NPR3: variants seen among roughly 807,000 people sequenced by gnomAD.
NPR3 encodes atrial natriuretic peptide receptor 3.
In NPR3, 34 loss-of-function variants were observed where a neutral mutation model predicts 54.5. That is an observed-to-expected ratio of 0.62 (90% CI 0.47 to 0.83). NPR3 has a LOEUF of 0.83. Ranked by LOEUF, NPR3 falls within the 40% of genes least tolerant of loss-of-function variation. The pLI, the probability that NPR3 is intolerant of heterozygous loss-of-function variation, is 0.00. For missense variants in NPR3, 674 were observed against 720.8 expected (o/e 0.94, Z 0.74); for synonymous variants, 289 against 297.1 (o/e 0.97, Z 0.28).
intron 1 of NPR3, chr5:32,713,200 CAG>C (rs1052258281): frequency 3.0e-6 from 3 of 985,302 alleles, no homozygotes; most frequent in African/African-American, 3.5e-5. Flanking sequence ...TCACTTCTCC[CAG>C]AGTGTTCTGC....
chr5:32,748,876 G>A (rs955922839), intron 3 of NPR3, among the ~76,000 whole-genome samples: 4 of 152,098 alleles, frequency 2.6e-5, no homozygotes, highest in African/African-American at 9.7e-5. Flanking sequence ...CTTCTCAGTT[G>A]ATTCTCTAAT....
chr5:32,711,815 A>G lies in NPR3; in HGVS notation c.39A>G (p.Val13=). 1 of 1,451,498 alleles carries G rather than the reference A, an allele frequency of 6.9e-7. No homozygotes were observed. The highest frequency in any genetic ancestry group is 9.1e-7 in the Non-Finnish European group (1 of 1,102,842). The allele number at this position is 1,451,498 out of a possible 1,614,324, so 89.9% of individuals were successfully genotyped here. A position where few individuals can be genotyped will look rare whatever the true frequency, so the allele number is the denominator to read the frequency against. Residue 13 remains valine, a synonymous_variant, in exon 1 of 8, where the codon GTA becomes GTG. Transcript: ENST00000265074. The part of the protein sequence containing the change: ...SLLVLTFSPC[V]LLGWALLAGG... ...TGGTGCTCACTTTCTCCCCGTGCGT[A>G]CTACTCGGCTGGGCGTTGCTGGCCG...
At chr5:32,737,504 T>C (rs1358220205) in intron 2 of NPR3, among the ~76,000 whole-genome samples, 1 of 152,170 alleles carries the variant, frequency 6.6e-6, no homozygotes, top group African/African-American at 2.4e-5. Context: ...TTCTCACTGC[T>C]TAGCTGTTGG....
At chr5:32,766,820 G>A (rs1052302852) in intron 3 of NPR3, among the ~76,000 whole-genome samples, 7 of 152,160 alleles carry the variant, frequency 4.6e-5, no homozygotes, top group Admixed American at 2.6e-4. Flanking sequence ...CATCCTTCAC[G>A]TCTGGCTTAT....
chr5:32,732,119 T>C (rs1739488123), intron 2 of NPR3, among the ~76,000 whole-genome samples: 1 of 151,578 alleles, frequency 6.6e-6, no homozygotes, highest in Admixed American at 6.6e-5. Context: ...CGGGCGCCTG[T>C]AGTCCCAGCT....
intron 3 of NPR3, among the ~76,000 whole-genome samples, chr5:32,742,188 T>C (rs776141770): frequency 4.6e-5 from 7 of 152,114 alleles, no homozygotes; most frequent in African/African-American, 7.2e-5. Flanking sequence ...CTGCTATCCG[T>C]CTTGAATTCA....
intron 3 of NPR3, among the ~76,000 whole-genome samples, chr5:32,742,173 G>T (rs566760861): frequency 1.3e-5 from 2 of 151,884 alleles, no homozygotes; most frequent in Non-Finnish European, 2.9e-5. Flanking sequence ...TGAGCTCTTC[G>T]TTCTCTGCTA....
chr5:32,711,935 C>A lies in NPR3; in HGVS notation c.159C>A (p.Ile53=), dbSNP rs1250628318. The part of the protein sequence containing the change: ...QEREALPPQK[I]EVLVLLPQDD... Reference sequence around the variant, plus strand: ...GAGAGGCGCTGCCGCCACAGAAGATCGAGGTGCTGGTGTTACTGCCCCAGG... The same window carrying A: ...GAGAGGCGCTGCCGCCACAGAAGATAGAGGTGCTGGTGTTACTGCCCCAGG... The change falls in exon 1 of 8, where the codon ATC becomes ATA. Residue 53 remains isoleucine (I), a synonymous_variant. Coordinates refer to ENST00000265074, the MANE Select transcript of NPR3 (RefSeq NM_001204375.2). The A allele has an allele frequency of 6.6e-7, 1 of 1,524,296 alleles. No homozygotes were observed. The highest frequency in any genetic ancestry group is 1.2e-5 in the South Asian group (1 of 80,288). 94.4% of individuals were successfully genotyped at this position (1,524,296 alleles called of 1,614,324 possible).
intron 3 of NPR3, among the ~76,000 whole-genome samples, chr5:32,759,779 G>A (rs1741055439): frequency 6.6e-6 from 1 of 152,122 alleles, no homozygotes; most frequent in South Asian, 2.1e-4. Context: ...CTTCCTTCAG[G>A]AGCTCTTGTA....
At chr5:32,724,878 G>A (rs1467798335) in intron 2 of NPR3, 58 bp downstream of exon 2, 3 of 1,592,646 alleles carry the variant, frequency 1.9e-6, no homozygotes, top group Non-Finnish European at 2.6e-6. Context: ...GTTGTCAGAT[G>A]CCCATGAATG....
chr5:32,752,252 G>T (rs1740618438), intron 3 of NPR3, among the ~76,000 whole-genome samples: 1 of 148,948 alleles, frequency 6.7e-6, no homozygotes, highest in African/African-American at 2.5e-5. Flanking sequence ...AACAAAAACA[G>T]AAAACCAACT....
chr5:32,767,007 C>T (rs1741506193), intron 3 of NPR3, among the ~76,000 whole-genome samples: 1 of 152,202 alleles, frequency 6.6e-6, no homozygotes, highest in South Asian at 2.1e-4. Flanking sequence ...ATTCCCTCTC[C>T]AGGTGCAGTT....
At chr5:32,783,916 G>A (rs1038763531) in intron 6 of NPR3, among the ~76,000 whole-genome samples, 4 of 152,318 alleles carry the variant, frequency 2.6e-5, no homozygotes, top group East Asian at 3.9e-4. Context: ...TTGAAGGGCC[G>A]CGTACTAAAC....
intron 3 of NPR3, among the ~76,000 whole-genome samples, chr5:32,774,317 C>A (rs549163280): frequency 6.6e-6 from 1 of 152,176 alleles, no homozygotes; most frequent in Non-Finnish European, 1.5e-5. Context: ...ATGAAGAGAT[C>A]GTGGGGCTGT....
In NPR3 at chr5:32,724,774, A is replaced by C; in HGVS notation, c.846A>C (p.Gly282=). The C allele has an allele frequency of 6.2e-7, 1 of 1,613,918 alleles. No individual in the cohort carries two copies. Among genetic ancestry groups the C allele is most frequent in the Non-Finnish European group, 8.5e-7 (1 of 1,179,862 alleles). Residue 282 remains glycine (G), a synonymous_variant, in exon 2 of 8, where the codon GGA becomes GGC. Coordinates refer to ENST00000265074, the MANE Select transcript of NPR3 (RefSeq NM_001204375.2). The part of the protein sequence containing the change: ...LVAHRHGMTS[G]DYAFFNIELF... Reference sequence around the variant, plus strand: ...CGCACAGGCATGGCATGACCAGTGGAGACTACGCCTTCTTCAACATTGAGC... The same window carrying C: ...CGCACAGGCATGGCATGACCAGTGGCGACTACGCCTTCTTCAACATTGAGC...
In NPR3 at chr5:32,751,043, A is replaced by G. The variant is rs945021028; in HGVS notation, c.1059+12013A>G. On this transcript the variant is annotated intron_variant, in intron 3 of 7. Coordinates refer to ENST00000265074, the MANE Select transcript of NPR3 (RefSeq NM_001204375.2). ...AAAAATGCGTCTTTCCTACATGGAC[A>G]GGAACATCATTTAGGGATCCTGTTC... 2.6e-5 allele frequency among the ~76,000 whole-genome samples: 4 copies of G among 152,200 alleles called. No individual in the cohort carries two copies. In the South Asian group the frequency reaches 8.3e-4, roughly 32 times the overall value.
In NPR3 at chr5:32,714,505, C is replaced by CT. The variant is rs11295246; in HGVS notation, c.769+1975dup. On this transcript the variant is annotated intron_variant, in intron 1 of 7. Coordinates refer to ENST00000265074, the MANE Select transcript of NPR3 (RefSeq NM_001204375.2). Reference sequence around the variant, plus strand: ...TCATAGACGTTCCGAAGTCTCTTTGCTTTTTTTTTTTTTTTCCAAGTTTGC... The same window carrying CT: ...TCATAGACGTTCCGAAGTCTCTTTGCTTTTTTTTTTTTTTTTCCAAGTTTGC... Among the ~76,000 whole-genome samples, 1,363 of 140,360 alleles carry CT rather than the reference C, an allele frequency of 9.7e-3. 8 individuals carry two copies. Among genetic ancestry groups the CT allele is most frequent in the Admixed American group, 0.028 (407 of 14,288 alleles). The allele number at this position is 140,360 out of a possible 152,430, so 92.1% of individuals were successfully genotyped here. A position where few individuals can be genotyped will look rare whatever the true frequency, so the allele number is the denominator to read the frequency against.
At chr5:32,707,132 C>T (rs2216672), upstream of NPR3, among the ~76,000 whole-genome samples, 3 of 151,948 alleles carry the variant, frequency 2.0e-5, no homozygotes, top group Middle Eastern at 6.3e-3. Context: ...AGAAGTCTTT[C>T]TAATGTCACT....
At chr5:32,700,141 C>T (rs935473800) in intron 1 of NPR3, among the ~76,000 whole-genome samples, 2 of 152,066 alleles carry the variant, frequency 1.3e-5, no homozygotes, top group African/African-American at 4.8e-5. Flanking sequence ...TAACCTTGAC[C>T]ATTGGGAGTT....
Sources: allele counts gnomAD v4.1 joint callset (sites outside exome capture counted in the v4.1 genomes callset), GRCh38; gene constraint gnomAD v4.1.1; transcripts MANE v1.5; gene names NCBI Gene and HGNC (gene_info 2026-07-23, HGNC 2026-07-21).